The following CSMD1 variants were observed in gnomAD, a reference collection of about 807,000 sequenced individuals.
CSMD1 encodes CUB and sushi domain-containing protein 1.
CSMD1 carries 213 observed loss-of-function variants against 417.5 expected under a neutral mutation model. The ratio of observed to expected loss-of-function variants is 0.51; its 90% CI spans 0.46 to 0.57. The LOEUF (loss-of-function observed/expected upper bound fraction) is 0.57. Among genes scored for constraint, CSMD1 ranks in the 20% least tolerant of loss-of-function variants. The pLI, the probability that CSMD1 is intolerant of heterozygous loss-of-function variation, is 0.00. For missense variants in CSMD1, 6,923 were observed against 4,529.7 expected (o/e 1.53, Z -15.17); for synonymous variants, 2,862 against 1,736.8 (o/e 1.65, Z -16.11).
intron 1 of CSMD1, among the ~76,000 whole-genome samples, chr8:4,852,241 T>C (rs1801522701): frequency 6.6e-6 from 1 of 152,202 alleles, no homozygotes; most frequent in East Asian, 1.9e-4. Flanking sequence ...CAGGTTGAAA[T>C]GTAATCCCTA....
At chr8:4,241,767 G>C (rs1802420676) in intron 3 of CSMD1, among the ~76,000 whole-genome samples, 1 of 150,556 alleles carries the variant, frequency 6.6e-6, no homozygotes, top group African/African-American at 2.4e-5. Flanking sequence ...GCAGTGGCGT[G>C]ATCTCAGATG....
At chr8:4,141,717 T>A (rs1274335757) in intron 3 of CSMD1, among the ~76,000 whole-genome samples, 1 of 151,160 alleles carries the variant, frequency 6.6e-6, no homozygotes, top group Non-Finnish European at 1.5e-5. Flanking sequence ...TCTGATCTAA[T>A]AATCTTGCAA....
At chr8:4,337,859 T>G (rs1800259323) in intron 3 of CSMD1, among the ~76,000 whole-genome samples, 1 of 152,178 alleles carries the variant, frequency 6.6e-6, no homozygotes, top group Non-Finnish European at 1.5e-5. Context: ...GTAAAGACTT[T>G]AAGAGTAAAA....
At chr8:3,189,126 G>T in intron 34 of CSMD1, 115 bp from the exon 35 acceptor site, 1 of 951,750 alleles carries the variant, frequency 1.1e-6, no homozygotes, top group Non-Finnish European at 1.5e-6. Context: ...CATGAACAAT[G>T]ATACGTTAAA....
intron 8 of CSMD1, among the ~76,000 whole-genome samples, chr8:3,604,560 CTAACTTTA>C (rs1453664928): frequency 6.6e-6 from 1 of 152,052 alleles, no homozygotes; most frequent in Non-Finnish European, 1.5e-5. Flanking sequence ...TGCATCTGCT[CTAACTTTA>C]TAAGTATATG....
At chr8:4,788,379 T>G in intron 1 of CSMD1, 2 of 1,422,428 alleles carry the variant, frequency 1.4e-6, no homozygotes, top group Admixed American at 1.9e-5. Flanking sequence ...CACACCAGAC[T>G]GGGGAGCTCA....
intron 1 of CSMD1, among the ~76,000 whole-genome samples, chr8:4,713,128 C>T (rs1563198810): frequency 6.6e-6 from 1 of 152,154 alleles, no homozygotes; most frequent in East Asian, 1.9e-4. Flanking sequence ...AGAAAATTGC[C>T]ACTAGGACCT....
intron 51 of CSMD1, among the ~76,000 whole-genome samples, chr8:3,026,699 ATC>A (rs1396908063): frequency 6.6e-6 from 1 of 152,252 alleles, no homozygotes; most frequent in African/African-American, 2.4e-5. Context: ...TGTGCCAGGT[ATC>A]TGAGCCCAGA....
At chr8:3,035,837 CTTTTT>C (rs1396291315) in intron 50 of CSMD1, among the ~76,000 whole-genome samples, 2 of 152,208 alleles carry the variant, frequency 1.3e-5, no homozygotes, top group East Asian at 3.9e-4. Flanking sequence ...TATATTTCTT[CTTTTT>C]TATTTTTAAG....
chr8:4,836,893 C>G (rs1425294251), intron 1 of CSMD1, among the ~76,000 whole-genome samples: 1 of 152,056 alleles, frequency 6.6e-6, no homozygotes, highest in African/African-American at 2.4e-5. Flanking sequence ...CTCACTCTGT[C>G]TGAGGCTATG....
chr8:4,591,672 T>C (rs888333304), intron 2 of CSMD1, among the ~76,000 whole-genome samples: 5 of 152,128 alleles, frequency 3.3e-5, no homozygotes, highest in African/African-American at 1.2e-4. Context: ...CAGTGTCAGA[T>C]TGGAACAGGC....
chr8:4,640,677 A>G (rs1187907236), intron 1 of CSMD1, among the ~76,000 whole-genome samples: 3 of 152,158 alleles, frequency 2.0e-5, no homozygotes, highest in East Asian at 1.9e-4. Context: ...TTCTTAATGG[A>G]CAACTTTTAA....
At chr8:4,971,282 C>G (rs1810221543) in intron 1 of CSMD1, among the ~76,000 whole-genome samples, 1 of 151,984 alleles carries the variant, frequency 6.6e-6, no homozygotes, top group South Asian at 2.1e-4. Context: ...TAAATGCTCT[C>G]AACATGGATT....
chr8:4,351,623 G>T (rs1262596226), intron 3 of CSMD1, among the ~76,000 whole-genome samples: 1 of 152,184 alleles, frequency 6.6e-6, no homozygotes, highest in Non-Finnish European at 1.5e-5. Context: ...GTGGGAGTGA[G>T]AAAGGAGATG....
chr8:3,106,008 T>C (rs1030193356), intron 46 of CSMD1, among the ~76,000 whole-genome samples: 7 of 152,222 alleles, frequency 4.6e-5, no homozygotes, highest in Admixed American at 2.6e-4. Context: ...GGCCTTGGTT[T>C]ATTTTCTAGG....
intron 5 of CSMD1, among the ~76,000 whole-genome samples, chr8:3,907,794 G>A (rs968112435): frequency 7.9e-5 from 12 of 152,240 alleles, no homozygotes; most frequent in African/African-American, 1.9e-4. Context: ...CCCGCTGCTC[G>A]TATCAAACAG....
intron 1 of CSMD1, among the ~76,000 whole-genome samples, chr8:4,891,076 T>A (rs2117000536): frequency 6.6e-6 from 1 of 152,224 alleles, no homozygotes; most frequent in African/African-American, 2.4e-5. Flanking sequence ...AATAGAATAA[T>A]GGGCCATTTT....
chr8:3,016,767 C>G (rs1164422516), intron 52 of CSMD1, among the ~76,000 whole-genome samples: 2 of 151,980 alleles, frequency 1.3e-5, no homozygotes, highest in Non-Finnish European at 2.9e-5. Context: ...TCCTTATTTT[C>G]CTCTGAGCAA....
chr8:3,789,890 C>G (rs1003771512), intron 5 of CSMD1, among the ~76,000 whole-genome samples: 1 of 152,006 alleles, frequency 6.6e-6, no homozygotes, highest in Non-Finnish European at 1.5e-5. Flanking sequence ...CACCACCACG[C>G]CTGGCTAATT....
Sources: allele counts gnomAD v4.1 joint callset (sites outside exome capture counted in the v4.1 genomes callset), GRCh38; gene constraint gnomAD v4.1.1; transcripts MANE v1.5; gene names NCBI Gene and HGNC (gene_info 2026-07-23, HGNC 2026-07-21).